The following CFAP184 variants were observed in gnomAD, a reference collection of about 807,000 sequenced individuals.
CFAP184 encodes cilia- and flagella-associated protein 184.
the CFAP184 span, chr4:7,042,618 C>A: frequency 1.7e-5 from 25 of 1,504,936 alleles, no homozygotes; most frequent in South Asian, 3.1e-4. Context: ...GCTGGGCGGG[C>A]TCCTCAGCCC....
chr4:7,041,903 G>A, the CFAP184 span: 16 of 1,612,170 alleles, frequency 9.9e-6, no homozygotes, highest in African/African-American at 1.5e-4. Flanking sequence ...CCCCTCATCC[G>A]ACAGCTGCCC....
At chr4:7,042,023 G>A in the CFAP184 span, 5 of 1,611,854 alleles carry the variant, frequency 3.1e-6, no homozygotes, top group Non-Finnish European at 4.2e-6. Flanking sequence ...AGCTCCTGGT[G>A]GTACCACTGC....
At chr4:7,041,786 T>C in the CFAP184 span, 8 of 1,612,186 alleles carry the variant, frequency 5.0e-6, no homozygotes, top group Admixed American at 1.7e-5. Context: ...TGCACCAGGC[T>C]CTGCTTCAGC....
At chr4:7,040,986 G>C in the CFAP184 span, 4 of 348,022 alleles carry the variant, frequency 1.1e-5, no homozygotes, top group African/African-American at 8.3e-5. Flanking sequence ...TGAAATTATA[G>C]AATTGCTCAG....
At chr4:7,041,371 C>T in the CFAP184 span, 10 of 1,614,238 alleles carry the variant, frequency 6.2e-6, no homozygotes, top group Admixed American at 1.2e-4. Flanking sequence ...TTCCAGGCGC[C>T]GGTGAAGCAG....
the CFAP184 span, chr4:7,041,498 T>C: frequency 6.2e-7 from 1 of 1,614,236 alleles, no homozygotes; most frequent in Non-Finnish European, 8.5e-7. Flanking sequence ...GCTTGCTTCG[T>C]CTTGGTCAGG....
chr4:7,042,629 C>T, the CFAP184 span: 30 of 1,505,394 alleles, frequency 2.0e-5, no homozygotes, highest in Non-Finnish European at 2.5e-5. Context: ...TCCTCAGCCC[C>T]AACCTCGGCC....
chr4:7,041,722 A>T, the CFAP184 span: 6 of 1,614,164 alleles, frequency 3.7e-6, no homozygotes, highest in Non-Finnish European at 4.2e-6. Flanking sequence ...TTCAAAGTCA[A>T]TAAGAAGCAG....
At chr4:7,042,928 C>G in the CFAP184 span, 1 of 1,461,046 alleles carries the variant, frequency 6.8e-7, no homozygotes, top group South Asian at 1.4e-5. Flanking sequence ...GTGCTCAGAG[C>G]TGACGTCCAT....
the CFAP184 span, chr4:7,042,523 C>G: frequency 1.9e-6 from 3 of 1,603,240 alleles, no homozygotes; most frequent in African/African-American, 2.7e-5. Flanking sequence ...GGCCTGGAAC[C>G]TGACTTCCTT....
the CFAP184 span, chr4:7,042,391 T>C: frequency 1.9e-6 from 3 of 1,612,214 alleles, no homozygotes; most frequent in Non-Finnish European, 2.5e-6. Context: ...ATCCCTCTCC[T>C]TGCTCTCCGC....
chr4:7,042,470 C>T, the CFAP184 span: 1 of 1,610,640 alleles, frequency 6.2e-7, no homozygotes, highest in Non-Finnish European at 8.5e-7. Context: ...GCCTCCGGGG[C>T]TGCAGCAGCC....
the CFAP184 span, chr4:7,042,964 G>A: frequency 1.4e-6 from 2 of 1,400,948 alleles, no homozygotes; most frequent in Middle Eastern, 2.0e-4. Context: ...CCAGCGCAGC[G>A]GACCCCGGCA....
chr4:7,042,946 C>G, the CFAP184 span: 11 of 1,418,340 alleles, frequency 7.8e-6, no homozygotes, highest in Non-Finnish European at 8.3e-6. Context: ...CATCTCCTCC[C>G]GGCTCGGCCA....
chr4:7,042,743 G>C, the CFAP184 span: 2 of 1,524,786 alleles, frequency 1.3e-6, no homozygotes, highest in Non-Finnish European at 1.8e-6. Context: ...GCCTCGGCCT[G>C]CTCGTCCGCG....
chr4:7,042,202 T>C, the CFAP184 span: 3 of 1,598,782 alleles, frequency 1.9e-6, no homozygotes, highest in African/African-American at 2.7e-5. Flanking sequence ...CAGGTATAGG[T>C]TGTAGCGCTG....
the CFAP184 span, chr4:7,042,581 G>C: frequency 9.7e-6 from 15 of 1,550,090 alleles, no homozygotes; most frequent in Non-Finnish European, 1.3e-5. Context: ...TCCGCCTCTA[G>C]TTCCTCGGGC....
the CFAP184 span, chr4:7,042,803 C>T: frequency 6.4e-7 from 1 of 1,559,752 alleles, no homozygotes; most frequent in Middle Eastern, 1.7e-4. Flanking sequence ...TCCTCCGGCT[C>T]CGACTCCAGC....
the CFAP184 span, chr4:7,042,951 C>T: frequency 3.5e-6 from 5 of 1,412,148 alleles, no homozygotes; most frequent in Non-Finnish European, 4.6e-6. Context: ...CCTCCCGGCT[C>T]GGCCAGCGCA....
Sources: gnomAD v4.1 joint callset for allele counts on GRCh38, gnomAD v4.1.1 for gene constraint, MANE v1.5 for transcripts, NCBI Gene and HGNC (gene_info 2026-07-23, HGNC 2026-07-21) for gene names.